Variants in COL8A1 observed in about 807,000 individuals in gnomAD.
COL8A1 encodes collagen alpha-1(VIII) chain.
A neutral mutation model predicts 42.7 loss-of-function variants in COL8A1; 21 were observed. The observed-to-expected ratio is 0.49, with a 90% CI of 0.35 to 0.71. The LOEUF is 0.71. Among genes scored for constraint, COL8A1 ranks in the 30% least tolerant of loss-of-function variants. COL8A1 has a pLI of 0.01. For synonymous variants in COL8A1, 367 were observed against 369.1 expected (o/e 0.99, Z 0.06); for missense variants, 788 against 962.4 (o/e 0.82, Z 2.40).
At chr3:99,689,242 C>T (rs1257107847) in intron 1 of COL8A1, among the ~76,000 whole-genome samples, 1 of 152,214 alleles carries the variant, frequency 6.6e-6, no homozygotes, top group Non-Finnish European at 1.5e-5. Context: ...AACTCATCTA[C>T]ATGGCCTGTT....
intron 1 of COL8A1, among the ~76,000 whole-genome samples, chr3:99,640,670 T>A (rs1937490294): frequency 6.6e-6 from 1 of 152,178 alleles, no homozygotes; most frequent in African/African-American, 2.4e-5. Context: ...CTGAGTGAGA[T>A]CATCTTAGAT....
intron 1 of COL8A1, among the ~76,000 whole-genome samples, chr3:99,735,983 G>A (rs1459801914): frequency 2.0e-5 from 3 of 151,852 alleles, no homozygotes; most frequent in Non-Finnish European, 2.9e-5. Context: ...TATTTCTGTG[G>A]GATTGGTGGT....
rs144268984 is a variant in COL8A1 at position 99,767,570 on chromosome 3, G to A, written c.-4+22549G>A. 1.5e-4 allele frequency among the ~76,000 whole-genome samples: 23 copies of A among 152,208 alleles called. No homozygotes were observed. In the East Asian group the frequency reaches 1.7e-3, roughly 11 times the overall value. Reference sequence around the variant, plus strand: ...AACCTCAAATACCTTTCATTCACCCGTGATGACCTGGCTCAGTCCTTGAGA... The same window carrying A: ...AACCTCAAATACCTTTCATTCACCCATGATGACCTGGCTCAGTCCTTGAGA... On this transcript the variant is annotated intron_variant, in intron 2 of 3. Coordinates refer to ENST00000652472, the MANE Select transcript of COL8A1 (RefSeq NM_020351.4).
chr3:99,683,625 G>A (rs1293208902), intron 1 of COL8A1, among the ~76,000 whole-genome samples: 1 of 151,710 alleles, frequency 6.6e-6, no homozygotes, highest in East Asian at 1.9e-4. Context: ...CAAAGGAGTG[G>A]GTTGTCCTTC....
Position 99,662,086 on chromosome 3 carries a change from T to C in COL8A1, c.-129+23422T>C, listed in dbSNP as rs115684472. On this transcript the variant is annotated intron_variant, in intron 1 of 3. Transcript: ENST00000652472. ...CACCATTGAACTGTACACTTAAAAA[T>C]GGTTAATATGGGCCGAGCACGGTGG... Among the ~76,000 whole-genome samples the C allele has an allele frequency of 4.1e-3, 628 of 152,242 alleles. 3 individuals are homozygous for C. The highest frequency in any genetic ancestry group is 0.013 in the African/African-American group (560 of 41,558).
chr3:99,762,628 C>A (rs1197530243), intron 2 of COL8A1, among the ~76,000 whole-genome samples: 21 of 152,184 alleles, frequency 1.4e-4, no homozygotes, highest in Non-Finnish European at 2.9e-5. Flanking sequence ...TATCCACAGC[C>A]TCCAGCAAAC....
chr3:99,656,418 C>A (rs943111693), intron 1 of COL8A1, among the ~76,000 whole-genome samples: 1 of 150,928 alleles, frequency 6.6e-6, no homozygotes, highest in Admixed American at 6.6e-5. Flanking sequence ...TTTGTGCTTT[C>A]TTTTCATTGA....
At position 99,797,272 on chromosome 3, in the gene COL8A1, ATTTT is replaced by A. The variant is rs1321153799; in HGVS notation, c.*1140_*1143del. On this transcript the variant is annotated 3_prime_UTR_variant, in exon 4 of 4. Coordinates refer to ENST00000652472, the MANE Select transcript of COL8A1 (RefSeq NM_020351.4). ...TATGTAATCTGAGGTTCCAAAGTCAATTTTTTTCTTTTTTTTTTGAGATGGAGTC... is the reference window on the plus strand; with the variant it reads ...TATGTAATCTGAGGTTCCAAAGTCAATTTCTTTTTTTTTTGAGATGGAGTC... The A allele has an allele frequency of 1.3e-5, 2 of 151,394 alleles. No homozygotes were observed. The highest frequency in any genetic ancestry group is 2.9e-5 in the Non-Finnish European group (2 of 67,860). The allele number at this position is 151,394 out of a possible 1,614,324, so 9.4% of individuals were successfully genotyped here.
intron 1 of COL8A1, among the ~76,000 whole-genome samples, chr3:99,705,550 C>T (rs997563667): frequency 6.6e-6 from 1 of 152,162 alleles, no homozygotes; most frequent in Non-Finnish European, 1.5e-5. Context: ...GAATTATTTG[C>T]ATGCTAAGAA....
intron 2 of COL8A1, among the ~76,000 whole-genome samples, chr3:99,758,268 T>C (rs796207006): frequency 1.3e-5 from 2 of 152,134 alleles, no homozygotes; most frequent in Non-Finnish European, 2.9e-5. Flanking sequence ...AAACCTTTTT[T>C]TTCTTTGTCA....
At chr3:99,693,216 C>T (rs1283589332) in intron 1 of COL8A1, among the ~76,000 whole-genome samples, 1 of 152,002 alleles carries the variant, frequency 6.6e-6, no homozygotes, top group Admixed American at 6.5e-5. Flanking sequence ...ACAAAAGTAT[C>T]GCACATGTAA....
intron 1 of COL8A1, among the ~76,000 whole-genome samples, chr3:99,664,723 A>C (rs1938311504): frequency 6.6e-6 from 1 of 152,178 alleles, no homozygotes; most frequent in Admixed American, 6.5e-5. Context: ...TAGCTTTTTA[A>C]AAATTGTATT....
chr3:99,729,577 A>AT (rs1042253335), intron 1 of COL8A1, among the ~76,000 whole-genome samples: 3 of 151,942 alleles, frequency 2.0e-5, no homozygotes, highest in African/African-American at 7.2e-5. Flanking sequence ...TCCTTAGGGA[A>AT]TTTTTTCCTC....
intron 1 of COL8A1, among the ~76,000 whole-genome samples, chr3:99,663,251 G>A (rs780764601): frequency 6.6e-6 from 1 of 152,028 alleles, no homozygotes; most frequent in Non-Finnish European, 1.5e-5. Flanking sequence ...CTGCAGCCTC[G>A]AACTCCTAGG....
At chr3:99,665,489 C>T (rs1383212190) in intron 1 of COL8A1, among the ~76,000 whole-genome samples, 1 of 152,064 alleles carries the variant, frequency 6.6e-6, no homozygotes, top group Admixed American at 6.5e-5. Flanking sequence ...TAGACTTGAT[C>T]ACCTTTCTGT....
At chr3:99,640,128 A>G (rs1937476874) in intron 1 of COL8A1, among the ~76,000 whole-genome samples, 1 of 152,190 alleles carries the variant, frequency 6.6e-6, no homozygotes, top group South Asian at 2.1e-4. Flanking sequence ...AGTTATATAT[A>G]AAGCTTCTGT....
intron 1 of COL8A1, among the ~76,000 whole-genome samples, chr3:99,673,369 AAAAAGACTC>A (rs1204551341): frequency 1.3e-5 from 2 of 152,038 alleles, no homozygotes; most frequent in Non-Finnish European, 2.9e-5. Context: ...TTTTCTAGCT[AAAAAGACTC>A]AAAAGACTTT....
chr3:99,651,921 T>C (rs1448875212), intron 1 of COL8A1, among the ~76,000 whole-genome samples: 1 of 152,216 alleles, frequency 6.6e-6, no homozygotes, highest in Non-Finnish European at 1.5e-5. Flanking sequence ...AAAGACTTTA[T>C]CCTGCTGTCA....
intron 1 of COL8A1, among the ~76,000 whole-genome samples, chr3:99,699,152 A>G (rs745530637): frequency 6.6e-6 from 1 of 152,154 alleles, no homozygotes; most frequent in East Asian, 1.9e-4. Flanking sequence ...TCTCCATCAC[A>G]TGTATCCAAA....
Sources: gnomAD v4.1 joint callset for allele counts (sites outside exome capture counted in the v4.1 genomes callset) on GRCh38, gnomAD v4.1.1 for gene constraint, MANE v1.5 for transcripts, NCBI Gene and HGNC (gene_info 2026-07-23, HGNC 2026-07-21) for gene names.